NMRK1: variants seen among roughly 807,000 people sequenced by gnomAD.
The protein encoded by NMRK1 is nicotinamide riboside kinase 1.
NMRK1 carries 28 observed loss-of-function variants against 29.9 expected under a neutral mutation model. That is an observed-to-expected ratio of 0.94 (90% CI 0.69 to 1.28). The LOEUF (loss-of-function observed/expected upper bound fraction) is 1.28, where lower values mean the gene tolerates loss of function less well. NMRK1 is among the 50% of genes most tolerant of loss of function. NMRK1 has a pLI of 0.00. For synonymous variants in NMRK1, 58 were observed against 73.0 expected, an observed-to-expected ratio of 0.79 and a Z score of 1.05; for missense variants, 218 against 233.1, an observed-to-expected ratio of 0.94 and a Z score of 0.42.
intron 1 of NMRK1, among the ~76,000 whole-genome samples, chr9:75,085,722 G>GT (rs1340180080): frequency 8.1e-6 from 1 of 123,514 alleles, no homozygotes; most frequent in African/African-American, 3.0e-5. Context: ...ACAGTCAAAT[G>GT]TAAGTTTTTT....
At chr9:75,075,958 A>C (rs1462588428) in intron 4 of NMRK1, among the ~76,000 whole-genome samples, 1 of 152,258 alleles carries the variant, frequency 6.6e-6, no homozygotes, top group African/African-American at 2.4e-5. Context: ...AGAAAGGGGA[A>C]CCATCATATA....
intron 1 of NMRK1, among the ~76,000 whole-genome samples, 180 bp from the exon 2 acceptor site, chr9:75,083,330 A>G (rs1188872065): frequency 2.0e-5 from 3 of 152,166 alleles, no homozygotes; most frequent in Non-Finnish European, 4.4e-5. Context: ...CTGAGTGCCA[A>G]CCACTGGGGT....
At chr9:75,079,772 G>A (rs1035307782) in intron 2 of NMRK1, among the ~76,000 whole-genome samples, 4 of 152,062 alleles carry the variant, frequency 2.6e-5, no homozygotes, top group African/African-American at 9.7e-5. Flanking sequence ...ATAGGAATGG[G>A]GGAATAGGAT....
intron 4 of NMRK1, among the ~76,000 whole-genome samples, chr9:75,073,907 C>T (rs1823840120): frequency 6.6e-6 from 1 of 152,186 alleles, no homozygotes; most frequent in Non-Finnish European, 1.5e-5. Flanking sequence ...TCATTTCTCT[C>T]TCTCTCAGTA....
At chr9:75,087,810 G>A (rs1009823810) in intron 1 of NMRK1, 198 bp downstream of exon 1, 1 of 152,210 alleles carries the variant, frequency 6.6e-6, no homozygotes, top group African/African-American at 2.4e-5. Flanking sequence ...TTATTCCGGG[G>A]CGCTAGAGCA....
At position 75,061,337 on chromosome 9, in the gene NMRK1, G is replaced by C; in HGVS notation, c.*211C>G. On this transcript the variant is annotated 3_prime_UTR_variant, in exon 9 of 9. Transcript: ENST00000361092. The stretch of plus-strand genomic sequence containing the variant: ...CTCTGCTGTATCTATGCGCTCCCTG[G>C]AGAGGGAGCAACTTGCTAAGGTACA... The C allele has an allele frequency of 1.9e-6, 1 of 517,510 alleles. No homozygotes were observed. The highest frequency in any genetic ancestry group is 3.4e-6 in the Non-Finnish European group (1 of 293,360). 32.1% of individuals were successfully genotyped at this position (517,510 alleles called of 1,614,324 possible).
intron 2 of NMRK1, among the ~76,000 whole-genome samples, chr9:75,079,091 A>G (rs551794675): frequency 2.6e-5 from 4 of 152,336 alleles, no homozygotes; most frequent in African/African-American, 9.6e-5. Context: ...ATCCACAAAT[A>G]CTTATAATCT....
chr9:75,069,850 A>C, intron 5 of NMRK1, 37 bp from the exon 6 acceptor site: 1 of 1,612,026 alleles, frequency 6.2e-7, no homozygotes, highest in Non-Finnish European at 8.5e-7. Flanking sequence ...AAGGGTTTTT[A>C]TCCCCCCATT....
At chr9:75,079,924 T>C (rs1359602863) in intron 2 of NMRK1, among the ~76,000 whole-genome samples, 1 of 152,190 alleles carries the variant, frequency 6.6e-6, no homozygotes, top group Non-Finnish European at 1.5e-5. Flanking sequence ...CATTCTGTCC[T>C]AGGATCTGAG....
At chr9:75,086,039 C>G (rs1172961331) in intron 1 of NMRK1, among the ~76,000 whole-genome samples, 2 of 151,862 alleles carry the variant, frequency 1.3e-5, no homozygotes, top group Non-Finnish European at 2.9e-5. Flanking sequence ...CACTGTCCAC[C>G]TCCACATCAC....
intron 8 of NMRK1, among the ~76,000 whole-genome samples, chr9:75,061,782 T>C (rs980491142): frequency 2.0e-5 from 3 of 152,222 alleles, no homozygotes; most frequent in Admixed American, 6.5e-5. Flanking sequence ...CAGATAGATA[T>C]CCAATATCAC....
rs763969910 is a variant in NMRK1, at chr9:75,070,016, T to C, written c.196A>G (p.Met66Val). ...ATCCAGCAGGAAATGGCTGACATCA[T>C]TTTTTCCATGTTAAGTGCTTCAAGC... The part of the protein sequence containing the change: ...DVLEALNMEK[M>V]MSAISCWMES... The change falls in exon 5 of 9, where the codon ATG becomes GTG. Residue 66 changes from methionine to valine, a missense_variant. By Grantham distance (21) the Met-to-Val change is conservative. Coordinates refer to ENST00000361092, the MANE Select transcript of NMRK1 (RefSeq NM_017881.3). The C allele has an allele frequency of 6.2e-7, 1 of 1,612,926 alleles. No individual in the cohort carries two copies. The highest frequency in any genetic ancestry group is 8.5e-7 in the Non-Finnish European group (1 of 1,179,448).
At chr9:75,083,031 A>C (rs931378748) in intron 2 of NMRK1, 56 bp downstream of exon 2, 27 of 1,286,292 alleles carry the variant, frequency 2.1e-5, no homozygotes, top group Non-Finnish European at 3.1e-5. Context: ...CCACACAGAA[A>C]CACCATTTGG....
At chr9:75,083,806 C>T (rs1300933761) in intron 1 of NMRK1, among the ~76,000 whole-genome samples, 1 of 152,148 alleles carries the variant, frequency 6.6e-6, no homozygotes, top group Non-Finnish European at 1.5e-5. Flanking sequence ...GAGGCAAAAT[C>T]TAGGTTGTTA....
chr9:75,073,396 C>T (rs754081118), intron 4 of NMRK1, among the ~76,000 whole-genome samples: 8 of 152,166 alleles, frequency 5.3e-5, no homozygotes, highest in Non-Finnish European at 8.8e-5. Flanking sequence ...TTCTGTGGTA[C>T]TTTGTTATGT....
chr9:75,069,654 C>G, intron 6 of NMRK1, 88 bp downstream of exon 6: 2 of 983,190 alleles, frequency 2.0e-6, no homozygotes, highest in Non-Finnish European at 3.2e-6. Context: ...ATGACGTATA[C>G]GCATTGCTCA....
At chr9:75,067,059 G>A in intron 7 of NMRK1, 1 of 389,206 alleles carries the variant, frequency 2.6e-6, no homozygotes, top group South Asian at 6.7e-5. Flanking sequence ...ATCCACACTG[G>A]CTTATGTGAA....
Position 75,069,051 on chromosome 9 carries a change from C to A in NMRK1, c.441G>T (p.Val147=). 6.2e-7 allele frequency: 1 copy of A among 1,614,184 alleles called. No individual in the cohort carries two copies. The highest frequency in any genetic ancestry group is 8.5e-7 in the Non-Finnish European group (1 of 1,180,000). Residue 147 remains valine (V), a synonymous_variant, in exon 7 of 9, where the codon GTG becomes GTT. Coordinates refer to ENST00000361092, the MANE Select transcript of NMRK1 (RefSeq NM_017881.3). ...PDSPGYFDGH[V]WPMYLKYRQE... ...GTCTGTACTTTAGATACATGGGCCA[C>A]ACATGGCCATCAAAGTATCCCGGAG... is the stretch of plus-strand genomic sequence containing the variant.
chr9:75,083,152 T>G lies in NMRK1; in HGVS notation c.-35-2A>C, dbSNP rs767315060. 7.0e-7 allele frequency: 1 copy of G among 1,427,498 alleles called. No homozygotes were observed. The highest frequency in any genetic ancestry group is 9.9e-7 in the Non-Finnish European group (1 of 1,010,590). 88.4% of individuals were successfully genotyped at this position (1,427,498 alleles called of 1,614,324 possible). On this transcript the variant is annotated splice_acceptor_variant, in intron 1 of 8. Transcript: ENST00000361092. LOFTEE classifies it low-confidence loss of function (5UTR_SPLICE). ...AAAATCACAGCTTCCTAATATTTCC[T>G]AAAAGTAAAAAAACAAACAAACAAA...
Sources: gnomAD v4.1 joint callset for allele counts (sites outside exome capture counted in the v4.1 genomes callset) on GRCh38, gnomAD v4.1.1 for gene constraint, MANE v1.5 for transcripts, NCBI Gene and HGNC (gene_info 2026-07-23, HGNC 2026-07-21) for gene names.